The following C10orf143 variants were observed in gnomAD, a reference collection of about 807,000 sequenced individuals.
C10orf143 encodes uncharacterized protein C10orf143.
At chr10:130,072,075 T>C (rs1160160881) in intron 3 of C10orf143, among the ~76,000 whole-genome samples, 1 of 151,684 alleles carries the variant, frequency 6.6e-6, no homozygotes, top group Non-Finnish European at 1.5e-5. Flanking sequence ...GGATAACTAA[T>C]TGCCCTGGCA....
chr10:130,038,261 C>T (rs1335237138), intron 3 of C10orf143, among the ~76,000 whole-genome samples: 1 of 152,104 alleles, frequency 6.6e-6, no homozygotes, highest in Non-Finnish European at 1.5e-5. Flanking sequence ...ACTGAAGTTT[C>T]GGGTTCGGGA....
chr10:130,067,603 C>T (rs182095961), intron 3 of C10orf143: 1 of 152,342 alleles, frequency 6.6e-6, no homozygotes, highest in East Asian at 1.9e-4. Context: ...CTTCCTTTAA[C>T]AGCATATTCG....
intron 1 of C10orf143, among the ~76,000 whole-genome samples, chr10:130,088,214 C>G (rs112072931): frequency 0.05 from 7,614 of 152,104 alleles, 638 homozygotes; most frequent in African/African-American, 0.17. Flanking sequence ...GAAATTCCGT[C>G]TCTACTAAAC....
At chr10:130,045,907 G>C (rs565973386) in intron 3 of C10orf143, among the ~76,000 whole-genome samples, 89 of 152,260 alleles carry the variant, frequency 5.8e-4, no homozygotes, top group Middle Eastern at 3.4e-3. Flanking sequence ...TGCCACGTGC[G>C]GGGGAGAAAG....
At chr10:130,108,406 T>C (rs757546899) in intron 1 of C10orf143, 8 of 935,316 alleles carry the variant, frequency 8.6e-6, no homozygotes, top group Non-Finnish European at 1.2e-5. Context: ...TGATTCCGCC[T>C]TCAAATGAGC....
At chr10:130,043,406 G>C (rs1260324759) in intron 3 of C10orf143, among the ~76,000 whole-genome samples, 1 of 152,176 alleles carries the variant, frequency 6.6e-6, no homozygotes, top group African/African-American at 2.4e-5. Flanking sequence ...TAACCCACTG[G>C]AAAGTATGAT....
intron 3 of C10orf143, among the ~76,000 whole-genome samples, chr10:130,057,670 G>A (rs749515367): frequency 3.3e-5 from 5 of 152,228 alleles, no homozygotes; most frequent in Non-Finnish European, 4.4e-5. Context: ...TCAGCATGTG[G>A]ATGGCAGAGG....
At chr10:130,044,732 G>A (rs568450295) in intron 3 of C10orf143, among the ~76,000 whole-genome samples, 1 of 152,266 alleles carries the variant, frequency 6.6e-6, no homozygotes, top group Non-Finnish European at 1.5e-5. Context: ...TGACCCGGTG[G>A]ATCCATTTGT....
intron 1 of C10orf143, among the ~76,000 whole-genome samples, chr10:130,099,316 G>A (rs1285133763): frequency 6.6e-6 from 1 of 152,000 alleles, no homozygotes; most frequent in Non-Finnish European, 1.5e-5. Flanking sequence ...TGCTTCTTGA[G>A]GAATGGGTGA....
At chr10:130,107,690 C>T (rs1281786072) in intron 1 of C10orf143, 2 of 1,279,358 alleles carry the variant, frequency 1.6e-6, no homozygotes, top group Non-Finnish European at 2.3e-6. Context: ...CTCACCTTTG[C>T]CTCCAGGGGG....
At chr10:130,060,917 G>A (rs1284267120), downstream of C10orf143, among the ~76,000 whole-genome samples, 1 of 151,906 alleles carries the variant, frequency 6.6e-6, no homozygotes, top group Non-Finnish European at 1.5e-5. Flanking sequence ...GTGAGCAGAT[G>A]GCTTGAGCCC....
Position 130,079,759 on chromosome 10 carries a change from C to A in C10orf143, c.212G>T (p.Gly71Val), listed in dbSNP as rs1464750652. The A allele has an allele frequency of 7.5e-6, 3 of 398,548 alleles. No individual in the cohort carries two copies. The Admixed American group carries it at 1.3e-4, about 18-fold the overall frequency. 24.7% of individuals were successfully genotyped at this position (398,548 alleles called of 1,614,324 possible). A position where few individuals can be genotyped will look rare whatever the true frequency, so the allele number is the denominator to read the frequency against. ...TACCCCTGTACTTAGCCTCCCCTGG[C>A]CACTCTCTGGCCTTGGTGCTGGGAG... ...GCLPAPRPESGQGRLSTGISQ... is the reference protein window; with the variant it reads ...GCLPAPRPESVQGRLSTGISQ... Residue 71 changes from glycine to valine, a missense_variant, in exon 2 of 4, where the codon GGC (glycine) becomes GTC (valine). Transcript: ENST00000637128.
At chr10:130,045,824 G>T (rs1860662709) in intron 3 of C10orf143, among the ~76,000 whole-genome samples, 1 of 152,210 alleles carries the variant, frequency 6.6e-6, no homozygotes, top group Non-Finnish European at 1.5e-5. Context: ...GTCACCTGTG[G>T]CTTCCACTCC....
intron 1 of C10orf143, among the ~76,000 whole-genome samples, chr10:130,091,076 A>G (rs898341003): frequency 7.2e-5 from 11 of 152,166 alleles, no homozygotes; most frequent in Non-Finnish European, 1.5e-5. Context: ...CTGCTAAGGG[A>G]CAGACTGCCT....
intron 3 of C10orf143, among the ~76,000 whole-genome samples, chr10:130,050,166 G>A (rs568574020): frequency 2.6e-5 from 4 of 152,376 alleles, no homozygotes; most frequent in Admixed American, 6.5e-5. Context: ...GGCTGCAGGC[G>A]CATGACTGAG....
At chr10:130,100,091 C>T (rs1861524444) in intron 1 of C10orf143, among the ~76,000 whole-genome samples, 1 of 151,844 alleles carries the variant, frequency 6.6e-6, no homozygotes, top group Non-Finnish European at 1.5e-5. Flanking sequence ...CCAACACAGC[C>T]TCCCAAAGTG....
intron 1 of C10orf143, among the ~76,000 whole-genome samples, chr10:130,084,323 A>G (rs947552700): frequency 6.6e-6 from 1 of 152,152 alleles, no homozygotes; most frequent in African/African-American, 2.4e-5. Flanking sequence ...CAAAAAGAAA[A>G]AAAAAACTAT....
rs575617558 is a variant in C10orf143 at position 130,035,218 on chromosome 10, T to C, written c.410+640A>G. 9.9e-5 allele frequency among the ~76,000 whole-genome samples: 15 copies of C among 151,982 alleles called. No individual in the cohort carries two copies. The South Asian group carries it at 3.1e-3, about 32-fold the overall frequency. On this transcript the variant is annotated intron_variant and NMD_transcript_variant, in intron 4 of 5. Transcript: ENST00000643056. ...TCAGCAGATATGGTTTCCTCTGAGG[T>C]CCCTCTTCTTGGCTTGCTGATGCTT...
intron 3 of C10orf143, among the ~76,000 whole-genome samples, chr10:130,078,975 CAT>C (rs1339492702): frequency 6.6e-6 from 1 of 152,116 alleles, no homozygotes; most frequent in African/African-American, 2.4e-5. Flanking sequence ...TTATCAAAGA[CAT>C]ATTAACTTGT....
Sources: allele counts gnomAD v4.1 joint callset (sites outside exome capture counted in the v4.1 genomes callset), GRCh38; gene constraint gnomAD v4.1.1; transcripts MANE v1.5; gene names NCBI Gene and HGNC (gene_info 2026-07-23, HGNC 2026-07-21).